CREBBP: variants seen among roughly 807,000 people sequenced by gnomAD.
CREBBP encodes CREB binding lysine acetyltransferase, also known as CREB-binding protein.
Under a neutral mutation model 265.0 loss-of-function variants are expected in CREBBP, and 19 were observed. That is an observed-to-expected ratio of 0.07 (90% CI 0.05 to 0.11). The LOEUF (loss-of-function observed/expected upper bound fraction) is 0.11. Among genes scored for constraint, CREBBP ranks in the 10% least tolerant of loss-of-function variants. The pLI is 1.00. For missense variants in CREBBP, 2,525 were observed against 3,219.0 expected, an observed-to-expected ratio of 0.78 and a Z score of 5.22; for synonymous variants, 1,457 against 1,223.7, an observed-to-expected ratio of 1.19 and a Z score of -3.98.
intron 3 of CREBBP, among the ~76,000 whole-genome samples, chr16:3,794,742 C>T (rs1272456251): frequency 6.6e-6 from 1 of 152,226 alleles, no homozygotes; most frequent in Non-Finnish European, 1.5e-5. Context: ...CCCATAGAGT[C>T]TTCTTCTTTA....
intron 19 of CREBBP, among the ~76,000 whole-genome samples, chr16:3,753,685 T>TA (rs1406913303): frequency 6.6e-6 from 1 of 152,092 alleles, no homozygotes; most frequent in African/African-American, 2.4e-5. Context: ...AAGAAGGAAT[T>TA]AAAGTACAGA....
chr16:3,809,848 G>T (rs1290758767), intron 3 of CREBBP, among the ~76,000 whole-genome samples: 2 of 151,998 alleles, frequency 1.3e-5, no homozygotes, highest in African/African-American at 2.4e-5. Flanking sequence ...ATGGCAGCTG[G>T]GAAGGTCAGG....
intron 5 of CREBBP, among the ~76,000 whole-genome samples, chr16:3,787,233 G>A (rs776535850): frequency 2.2e-4 from 34 of 152,174 alleles, no homozygotes; most frequent in African/African-American, 8.0e-4. Context: ...AGCACTGAGG[G>A]GAACCCAGGC....
chr16:3,750,936 A>G (rs1021908088), intron 20 of CREBBP, among the ~76,000 whole-genome samples: 4 of 152,228 alleles, frequency 2.6e-5, no homozygotes, highest in African/African-American at 4.8e-5. Flanking sequence ...TTTCTCAGGT[A>G]TAACTGAAAA....
rs1567360212 is a variant in CREBBP at position 3,849,430 on chromosome 16, T to TGTGTGTGTGTGTGTGTGTG, written c.798+848_798+866dup. 5.8e-4 allele frequency among the ~76,000 whole-genome samples: 5 copies of TGTGTGTGTGTGTGTGTGTG among 8,576 alleles called. 1 individual carries two copies. Among genetic ancestry groups the TGTGTGTGTGTGTGTGTGTG allele is most frequent in the Non-Finnish European group, 2.6e-3 (2 of 774 alleles). 5.6% of individuals were successfully genotyped at this position (8,576 alleles called of 152,430 possible). On this transcript the variant is annotated intron_variant, in intron 2 of 30. Coordinates refer to ENST00000262367, the MANE Select transcript of CREBBP (RefSeq NM_004380.3). ...GTGTGTGTGTGTGTGTGTGTGTGTG[T>TGTGTGTGTGTGTGTGTGTG]GTGTGTGTGTGTGTGTGTGTGTGTG...
intron 2 of CREBBP, among the ~76,000 whole-genome samples, chr16:3,842,940 T>G (rs1210933981): frequency 8.9e-6 from 1 of 111,962 alleles, no homozygotes; most frequent in African/African-American, 3.8e-5. Context: ...CATTCCAGCC[T>G]AGGCAAAAAG....
chr16:3,831,132 C>T (rs188002163), intron 2 of CREBBP, among the ~76,000 whole-genome samples: 2 of 152,194 alleles, frequency 1.3e-5, no homozygotes, highest in African/African-American at 2.4e-5. Flanking sequence ...TTTGCTGGGC[C>T]GTAAGACAAG....
At chr16:3,755,941 C>G (rs887394769) in intron 19 of CREBBP, among the ~76,000 whole-genome samples, 1 of 151,898 alleles carries the variant, frequency 6.6e-6, no homozygotes, top group East Asian at 1.9e-4. Flanking sequence ...GGCTTAGGAA[C>G]CTTTTTTGAG....
At chr16:3,849,433 GTGTGTGTGT>G (rs2054755076) in intron 2 of CREBBP, among the ~76,000 whole-genome samples, 193 of 14,300 alleles carry the variant, frequency 0.013, 4 homozygotes, top group Middle Eastern at 0.062. Context: ...GTGTGTGTGT[GTGTGTGTGT>G]GTGTGTGTGT....
At chr16:3,794,419 A>G (rs2053568450) in intron 3 of CREBBP, among the ~76,000 whole-genome samples, 1 of 151,962 alleles carries the variant, frequency 6.6e-6, no homozygotes, top group Admixed American at 6.6e-5. Context: ...GATGTAGCAA[A>G]AAGAATCAGA....
At chr16:3,738,822 T>G in intron 25 of CREBBP, 150 bp from the exon 26 acceptor site, 1 of 670,858 alleles carries the variant, frequency 1.5e-6, no homozygotes, top group Non-Finnish European at 2.7e-6. Context: ...CACAGCTCAC[T>G]GCAACCTCAA....
intron 21 of CREBBP, chr16:3,745,635 C>CGGCCGGGCGCGG: frequency 2.1e-6 from 1 of 485,664 alleles, no homozygotes; most frequent in East Asian, 3.7e-5. Context: ...TTAAAAATTG[C>CGGCCGGGCGCGG]TGCGACAAAT....
intron 2 of CREBBP, among the ~76,000 whole-genome samples, chr16:3,848,692 T>C (rs2054720093): frequency 6.6e-6 from 1 of 152,076 alleles, no homozygotes; most frequent in Non-Finnish European, 1.5e-5. Context: ...TGATTTAAAC[T>C]CTCCAGAATA....
chr16:3,748,244 C>T (rs1422614303), intron 21 of CREBBP, among the ~76,000 whole-genome samples: 2 of 151,374 alleles, frequency 1.3e-5, no homozygotes, highest in Non-Finnish European at 2.9e-5. Flanking sequence ...CGCCACTGCA[C>T]TCCAGCCTGG....
intron 2 of CREBBP, among the ~76,000 whole-genome samples, chr16:3,837,012 C>T (rs1215760243): frequency 2.6e-5 from 4 of 152,160 alleles, no homozygotes; most frequent in Non-Finnish European, 5.9e-5. Flanking sequence ...TAATAAATGA[C>T]TATGTTACTG....
Position 3,726,913 on chromosome 16 carries a change from T to C in CREBBP, c.*805A>G, listed in dbSNP as rs2051760789. On this transcript the variant is annotated 3_prime_UTR_variant, in exon 31 of 31. Transcript: ENST00000262367. ...AGTGATTGAATCTTCTCGAGTTTCG[T>C]ATTTATAGGAATTAGAGCGCTTGCA... The C allele has an allele frequency of 4.3e-6, 1 of 233,546 alleles. No individual in the cohort carries two copies. Among genetic ancestry groups the C allele is most frequent in the Admixed American group, 5.6e-5 (1 of 17,790 alleles). The allele number at this position is 233,546 out of a possible 1,614,324, so 14.5% of individuals were successfully genotyped here.
At chr16:3,876,362 ACAGTC>A (rs2055400030) in intron 1 of CREBBP, among the ~76,000 whole-genome samples, 1 of 140,850 alleles carries the variant, frequency 7.1e-6, no homozygotes, top group African/African-American at 2.7e-5. Context: ...AACTTTATAA[ACAGTC>A]TGTTGTGTGC....
At position 3,770,563 on chromosome 16, in the gene CREBBP, G is replaced by T. The variant is rs1306465990; in HGVS notation, c.2880+7C>A. ...GGCCCAAAAACAGCAGAGACAGAGAGGCTTACCGGTGTGCCAGGAGGCTGG... is the reference window on the plus strand; with the variant it reads ...GGCCCAAAAACAGCAGAGACAGAGATGCTTACCGGTGTGCCAGGAGGCTGG... On this transcript the variant is annotated splice_region_variant and intron_variant, in intron 14 of 30. Transcript: ENST00000262367. 6.2e-7 allele frequency: 1 copy of T among 1,612,358 alleles called. No individual in the cohort carries two copies. Among genetic ancestry groups the T allele is most frequent in the Non-Finnish European group, 8.5e-7 (1 of 1,179,886 alleles).
intron 3 of CREBBP, among the ~76,000 whole-genome samples, chr16:3,795,840 A>G (rs1341015192): frequency 1.3e-5 from 2 of 152,204 alleles, no homozygotes; most frequent in African/African-American, 4.8e-5. Context: ...AAAATTTCAA[A>G]CATACAGAAA....
Sources: allele counts gnomAD v4.1 joint callset (sites outside exome capture counted in the v4.1 genomes callset), GRCh38; gene constraint gnomAD v4.1.1; transcripts MANE v1.5; gene names NCBI Gene and HGNC (gene_info 2026-07-23, HGNC 2026-07-21).